Variants in CHEK2 observed in about 807,000 individuals in gnomAD.
The protein encoded by CHEK2 is checkpoint kinase 2, also known as serine/threonine-protein kinase Chk2.
Under a neutral mutation model 69.1 loss-of-function variants are expected in CHEK2, and 71 were observed. The observed-to-expected ratio is 1.03, with a 90% CI of 0.85 to 1.25. CHEK2 has a LOEUF of 1.25. Among genes scored for constraint, CHEK2 ranks in the 50% most tolerant of loss-of-function variants. CHEK2 has a pLI of 0.00. For missense variants in CHEK2, 664 were observed against 649.6 expected (o/e 1.02, Z -0.24); for synonymous variants, 189 against 226.9 (o/e 0.83, Z 1.50).
At chr22:28,723,727 T>C (rs570488975) in intron 4 of CHEK2, among the ~76,000 whole-genome samples, 94 of 151,234 alleles carry the variant, frequency 6.2e-4, no homozygotes, top group Non-Finnish European at 1.1e-3. Flanking sequence ...GCAGACTGAC[T>C]GCTTGAGCTC....
At chr22:28,690,795 G>A (rs1421945472) in intron 13 of CHEK2, among the ~76,000 whole-genome samples, 4 of 149,894 alleles carry the variant, frequency 2.7e-5, no homozygotes, top group African/African-American at 9.9e-5. Flanking sequence ...CCCTGAGGAA[G>A]GAAGAAAGGA....
At chr22:28,710,416 C>T (rs1006904381) in intron 6 of CHEK2, among the ~76,000 whole-genome samples, 8 of 152,172 alleles carry the variant, frequency 5.3e-5, no homozygotes, top group Admixed American at 4.6e-4. Context: ...TGTGTTTCCA[C>T]TGTGTTCATT....
intron 7 of CHEK2, among the ~76,000 whole-genome samples, chr22:28,707,701 T>C (rs952165424): frequency 6.6e-6 from 1 of 152,166 alleles, no homozygotes; most frequent in African/African-American, 2.4e-5. Context: ...AAAATGCAAA[T>C]AAATATGTCT....
intron 4 of CHEK2, among the ~76,000 whole-genome samples, chr22:28,723,959 G>A (rs1012649256): frequency 2.6e-5 from 4 of 151,836 alleles, no homozygotes; most frequent in African/African-American, 9.7e-5. Context: ...AGAAAAAAAT[G>A]AATGGAAAAA....
intron 4 of CHEK2, among the ~76,000 whole-genome samples, chr22:28,723,363 C>G (rs973927148): frequency 3.3e-5 from 5 of 152,102 alleles, no homozygotes; most frequent in Admixed American, 2.0e-4. Context: ...CTTTGGGAGG[C>G]CGAGGCGGGT....
chr22:28,705,008 A>C (rs2053057022), intron 7 of CHEK2, among the ~76,000 whole-genome samples: 1 of 152,142 alleles, frequency 6.6e-6, no homozygotes, highest in South Asian at 2.1e-4. Context: ...AAAAGACTTC[A>C]AAGAGTATGA....
intron 2 of CHEK2, among the ~76,000 whole-genome samples, chr22:28,733,919 T>C (rs926778127): frequency 1.4e-5 from 2 of 145,912 alleles, no homozygotes; most frequent in African/African-American, 5.1e-5. Context: ...AAGACTCCGT[T>C]GCCAAAAAAA....
At chr22:28,704,863 C>G (rs973279055) in intron 7 of CHEK2, among the ~76,000 whole-genome samples, 39 of 152,086 alleles carry the variant, frequency 2.6e-4, no homozygotes, top group African/African-American at 9.4e-4. Flanking sequence ...TCATATTCAT[C>G]ACTCATCACT....
At chr22:28,729,241 CA>C in intron 2 of CHEK2, 2 of 255,482 alleles carry the variant, frequency 7.8e-6, no homozygotes, top group South Asian at 3.3e-5. Flanking sequence ...TACAAATGAC[CA>C]AACAAGAATT....
intron 7 of CHEK2, among the ~76,000 whole-genome samples, chr22:28,708,003 A>G (rs531609179): frequency 6.7e-6 from 1 of 150,212 alleles, no homozygotes; most frequent in African/African-American, 2.4e-5. Flanking sequence ...CGCCCGGCTA[A>G]TTTTTTTTTG....
At position 28,725,030 on chromosome 22, in the gene CHEK2, C is replaced by T. The variant is rs137853009; in HGVS notation, c.539G>A (p.Arg180His). Residue 180 changes from arginine (R) to histidine (H), a missense_variant, in exon 4 of 15, where the codon CGC (arginine) becomes CAC (histidine). Transcript: ENST00000404276. ...TTCAGAATTGTTATTCAAAGGACGG[C>T]GTTTTCCTTTCCCTACAAGCTCTGT... is the stretch of plus-strand genomic sequence containing the variant. ...VNTELVGKGK[R>H]RPLNNNSEIA... The T allele has an allele frequency of 5.6e-5, 90 of 1,613,908 alleles. No individual in the cohort carries two copies. Among genetic ancestry groups the T allele is most frequent in the Admixed American group, 1.7e-4 (10 of 59,990 alleles).
chr22:28,724,800 AG>A (rs1427853867), intron 4 of CHEK2, 176 bp downstream of exon 4: 5 of 693,068 alleles, frequency 7.2e-6, no homozygotes, highest in Non-Finnish European at 1.3e-5. Context: ...TCCTGACCTC[AG>A]GTGATCCATC....
At chr22:28,698,836 G>T (rs1362795407) in intron 9 of CHEK2, among the ~76,000 whole-genome samples, 2 of 152,050 alleles carry the variant, frequency 1.3e-5, no homozygotes, top group Non-Finnish European at 2.9e-5. Flanking sequence ...AGCCATGGGG[G>T]ACCAACCCAT....
Position 28,712,072 on chromosome 22 carries a change from A to G in CHEK2, c.684-55T>C. On this transcript the variant is annotated intron_variant, in intron 5 of 14. Transcript: ENST00000404276. ...CTGAATGTTTTTAATTATGAGACCT[A>G]CCACTCCTGGGTCCACTTCAAGTAT... 1.0e-5 allele frequency: 12 copies of G among 1,203,140 alleles called. No individual in the cohort carries two copies. The South Asian group carries it at 1.5e-4, about 15-fold the overall frequency. 74.5% of individuals were successfully genotyped at this position (1,203,140 alleles called of 1,614,324 possible).
At chr22:28,710,427 T>C (rs1017914165) in intron 6 of CHEK2, among the ~76,000 whole-genome samples, 2 of 152,252 alleles carry the variant, frequency 1.3e-5, no homozygotes, top group Non-Finnish European at 2.9e-5. Context: ...TGTGTTCATT[T>C]TAATTAGTAA....
At position 28,725,270 on chromosome 22, in the gene CHEK2, G is replaced by T. The variant is rs200917541; in HGVS notation, c.417C>A (p.Tyr139Ter). 1 of 1,614,002 alleles carries T rather than the reference G, an allele frequency of 6.2e-7. No individual in the cohort carries two copies. Among genetic ancestry groups the T allele is most frequent in the East Asian group, 2.2e-5 (1 of 44,868 alleles). Residue 139 changes from tyrosine to a stop codon, truncating the protein, a stop_gained, in exon 3 of 15, where the codon TAC becomes TAA. Transcript: ENST00000404276. LOFTEE classifies it high-confidence loss of function. ...LLKRTDKYRT[Y>*]SKKHFRIFRE... ...TGAAAATCCGAAAGTGTTTCTTGCT[G>T]TATGTTCGGTATTTATCTGTTCTTT... is the stretch of plus-strand genomic sequence containing the variant.
At chr22:28,690,235 TA>T (rs1280704168) in intron 13 of CHEK2, among the ~76,000 whole-genome samples, 3 of 152,214 alleles carry the variant, frequency 2.0e-5, no homozygotes, top group Non-Finnish European at 4.4e-5. Flanking sequence ...CTCATGCCTA[TA>T]ATCCCAGCAC....
Position 28,711,961 on chromosome 22 carries a change from GCTA to G in CHEK2, c.737_739del (p.Val246del), listed in dbSNP as rs571741738. 6.2e-7 allele frequency: 1 copy of G among 1,613,896 alleles called. No homozygotes were observed. Among genetic ancestry groups the G allele is most frequent in the South Asian group, 1.1e-5 (1 of 91,068 alleles). ...CTTCCTTTTGCTGATGATCTTTATG[GCTA>G]CTTTCTTACATGTTTTCCTCTCGAA... is the stretch of plus-strand genomic sequence containing the variant. On this transcript the variant is annotated inframe_deletion, in exon 6 of 15. Coordinates refer to ENST00000404276, the MANE Select transcript of CHEK2 (RefSeq NM_007194.4).
At chr22:28,709,976 T>G (rs1172128911) in intron 7 of CHEK2, 30 bp downstream of exon 7, 9 of 1,200,662 alleles carry the variant, frequency 7.5e-6, no homozygotes, top group Non-Finnish European at 1.1e-5. Flanking sequence ...GATAGATAAA[T>G]CTAAGTATGA....
Sources: allele counts gnomAD v4.1 joint callset (sites outside exome capture counted in the v4.1 genomes callset), GRCh38; gene constraint gnomAD v4.1.1; transcripts MANE v1.5; gene names NCBI Gene and HGNC (gene_info 2026-07-23, HGNC 2026-07-21).